MTUS2: variants seen among roughly 807,000 people sequenced by gnomAD.
MTUS2 encodes microtubule-associated tumor suppressor candidate 2.
In MTUS2, 40 loss-of-function variants were observed where a neutral mutation model predicts 114.1. The ratio of observed to expected loss-of-function variants is 0.35; its 90% CI spans 0.27 to 0.46. The LOEUF (loss-of-function observed/expected upper bound fraction) is 0.46, where lower values mean the gene tolerates loss of function less well. Ranked by LOEUF, MTUS2 falls within the 20% of genes least tolerant of loss-of-function variation. The pLI is 1.00. For missense variants in MTUS2, 1,679 were observed against 1,705.4 expected, an observed-to-expected ratio of 0.98 and a Z score of 0.27; for synonymous variants, 688 against 672.0, an observed-to-expected ratio of 1.02 and a Z score of -0.37.
intron 6 of MTUS2, among the ~76,000 whole-genome samples, chr13:29,296,197 TTTTGTTTG>T (rs59082438): frequency 9.9e-4 from 148 of 148,956 alleles, no homozygotes; most frequent in Middle Eastern, 3.4e-3. Context: ...ATTTTTAGGT[TTTTGTTTG>T]TTTGTTTGTT....
At chr13:28,833,362 G>A (rs557196226) in intron 1 of MTUS2, among the ~76,000 whole-genome samples, 2 of 152,068 alleles carry the variant, frequency 1.3e-5, no homozygotes, top group Non-Finnish European at 2.9e-5. Flanking sequence ...TTTGTATACC[G>A]TGACTAAGTG....
chr13:28,953,549 T>C (rs539681959), intron 2 of MTUS2, among the ~76,000 whole-genome samples: 3 of 152,376 alleles, frequency 2.0e-5, no homozygotes, highest in Admixed American at 2.0e-4. Context: ...TAAAAATGTT[T>C]ATTGCAAATA....
chr13:28,935,497 A>C (rs1881855916), intron 2 of MTUS2, among the ~76,000 whole-genome samples: 1 of 151,992 alleles, frequency 6.6e-6, no homozygotes, highest in African/African-American at 2.4e-5. Context: ...GAAATATTGC[A>C]GACAAGTCCT....
At chr13:29,143,464 G>A (rs1892309508) in intron 5 of MTUS2, among the ~76,000 whole-genome samples, 1 of 152,128 alleles carries the variant, frequency 6.6e-6, no homozygotes, top group South Asian at 2.1e-4. Flanking sequence ...TCTAAAAAAT[G>A]GGGGTTATAT....
intron 8 of MTUS2, among the ~76,000 whole-genome samples, chr13:29,422,655 T>C (rs1876206599): frequency 7.1e-6 from 1 of 140,210 alleles, no homozygotes; most frequent in Admixed American, 7.1e-5. Flanking sequence ...TTTCTTTTTT[T>C]TTTTTTTTTT....
At chr13:29,259,897 T>C (rs941074693) in intron 5 of MTUS2, among the ~76,000 whole-genome samples, 1 of 152,176 alleles carries the variant, frequency 6.6e-6, no homozygotes, top group Non-Finnish European at 1.5e-5. Context: ...GCTTTTCTGA[T>C]GTTACAAATG....
intron 5 of MTUS2, among the ~76,000 whole-genome samples, chr13:29,233,570 A>G (rs1320814033): frequency 6.6e-6 from 1 of 152,260 alleles, no homozygotes; most frequent in Non-Finnish European, 1.5e-5. Context: ...GGAGATGCCA[A>G]TAACAAGCTA....
Position 28,945,906 on chromosome 13 carries a change from G to C in MTUS2, c.-242-78551G>C, listed in dbSNP as rs138295542. On this transcript the variant is annotated intron_variant, in intron 2 of 15. Transcript: ENST00000612955. ...ATTTCTTTGCCTAAGGCAATGTCCAGAAGAGTTTTCTGGTAGGTACTCTTT... is the reference window on the plus strand; with the variant it reads ...ATTTCTTTGCCTAAGGCAATGTCCACAAGAGTTTTCTGGTAGGTACTCTTT... 8.3e-3 allele frequency among the ~76,000 whole-genome samples: 1,268 copies of C among 152,306 alleles called. 19 individuals carry two copies. The highest frequency in any genetic ancestry group is 0.029 in the African/African-American group (1,208 of 41,570).
At position 29,284,402 on chromosome 13, in the gene MTUS2, TA is replaced by T. The variant is rs565944585; in HGVS notation, c.2806+2549del. Among the ~76,000 whole-genome samples, 474 of 148,910 alleles carry T rather than the reference TA, an allele frequency of 3.2e-3. 2 individuals are homozygous for T. Among genetic ancestry groups the T allele is most frequent in the South Asian group, 7.9e-3 (37 of 4,698 alleles). ...AGCAATAGAAGAATAAGCTATTTTT[TA>T]AAAAAAAAAAATGATGGCCTTCAGG... On this transcript the variant is annotated intron_variant, in intron 6 of 15. Transcript: ENST00000612955.
At position 29,307,250 on chromosome 13, in the gene MTUS2, C is replaced by T. The variant is rs540558178; in HGVS notation, c.2807-17363C>T. ...GCCTCCTGCACCATGAATTGCTTAG[C>T]ACCCCTGGCCAAAGTCATCCGTGAC... On this transcript the variant is annotated intron_variant, in intron 6 of 15. Coordinates refer to ENST00000612955, the MANE Select transcript of MTUS2 (RefSeq NM_001033602.4). The T allele has an allele frequency of 2.5e-5, 16 of 631,292 alleles. No homozygotes were observed. The East Asian group carries it at 2.7e-4, about 11-fold the overall frequency. 39.1% of individuals were successfully genotyped at this position (631,292 alleles called of 1,614,324 possible).
chr13:29,048,954 T>TA, intron 4 of MTUS2, among the ~76,000 whole-genome samples: 1 of 152,350 alleles, frequency 6.6e-6, no homozygotes, highest in Admixed American at 6.5e-5. Context: ...AGTAAAGTTA[T>TA]ATCACTGGGG....
intron 5 of MTUS2, among the ~76,000 whole-genome samples, chr13:29,210,602 G>C (rs553336296): frequency 6.6e-6 from 1 of 152,178 alleles, no homozygotes; most frequent in Non-Finnish European, 1.5e-5. Flanking sequence ...GTTCAGATTC[G>C]TTTGTCCCAC....
intron 2 of MTUS2, among the ~76,000 whole-genome samples, chr13:28,855,766 T>C (rs1876587390): frequency 6.6e-6 from 1 of 152,218 alleles, no homozygotes; most frequent in South Asian, 2.1e-4. Flanking sequence ...ATAGAATGAT[T>C]TATATTCCTT....
intron 2 of MTUS2, among the ~76,000 whole-genome samples, chr13:28,872,665 T>C (rs1479931188): frequency 6.6e-6 from 1 of 152,160 alleles, no homozygotes; most frequent in African/African-American, 2.4e-5. Context: ...AATCAGCTCT[T>C]GTGGGAATGA....
intron 2 of MTUS2, among the ~76,000 whole-genome samples, chr13:28,996,943 G>T (rs1233074685): frequency 6.6e-6 from 1 of 151,650 alleles, no homozygotes; most frequent in Non-Finnish European, 1.5e-5. Context: ...TTCTGCTTTT[G>T]AATGTGTTTG....
chr13:29,275,977 TAC>T (rs200031839), intron 5 of MTUS2, among the ~76,000 whole-genome samples: 2,494 of 152,386 alleles, frequency 0.016, 30 homozygotes, highest in Middle Eastern at 0.041. Flanking sequence ...CATTCACATT[TAC>T]ACCTTTGTTT....
At chr13:28,947,265 C>T (rs1406928594) in intron 2 of MTUS2, among the ~76,000 whole-genome samples, 2 of 152,030 alleles carry the variant, frequency 1.3e-5, no homozygotes, top group Non-Finnish European at 2.9e-5. Context: ...GCAGGGGATG[C>T]TTTCAAAGGT....
chr13:29,244,435 G>T (rs1482658150), intron 5 of MTUS2, among the ~76,000 whole-genome samples: 2 of 152,122 alleles, frequency 1.3e-5, no homozygotes, highest in African/African-American at 4.8e-5. Context: ...CCCGGGAAAA[G>T]GAGAGAAGCA....
intron 2 of MTUS2, among the ~76,000 whole-genome samples, chr13:29,004,446 C>A (rs953889207): frequency 2.0e-5 from 3 of 152,148 alleles, no homozygotes; most frequent in Admixed American, 6.6e-5. Flanking sequence ...ATATAGTAGA[C>A]AAACCTTTTT....
Sources: allele counts gnomAD v4.1 joint callset (sites outside exome capture counted in the v4.1 genomes callset), GRCh38; gene constraint gnomAD v4.1.1; transcripts MANE v1.5; gene names NCBI Gene and HGNC (gene_info 2026-07-23, HGNC 2026-07-21).